Variants in DNAH5 observed in about 807,000 individuals in gnomAD.
DNAH5 encodes axonemal beta dynein heavy chain 5.
Under a neutral mutation model 518.2 loss-of-function variants are expected in DNAH5, and 372 were observed. The observed-to-expected ratio is 0.72, with a 90% confidence interval of 0.66 to 0.78. The LOEUF (loss-of-function observed/expected upper bound fraction) is 0.78. DNAH5 is among the 30% of genes least tolerant of loss of function. DNAH5 has a pLI of 0.00. For missense variants in DNAH5, 5,523 were observed against 5,687.0 expected (o/e 0.97, Z 0.93); for synonymous variants, 2,039 against 2,025.9 (o/e 1.01, Z -0.17).
chr5:13,799,215 C>CG (rs397996834), intron 47 of DNAH5, among the ~76,000 whole-genome samples: 6 of 148,532 alleles, frequency 4.0e-5, no homozygotes, highest in Non-Finnish European at 9.0e-5. Flanking sequence ...TACCCCCCCC[C>CG]ACAAAAATGC....
At chr5:13,900,549 C>G in intron 14 of DNAH5, 137 bp from the exon 15 acceptor site, 2 of 738,246 alleles carry the variant, frequency 2.7e-6, no homozygotes, top group Non-Finnish European at 4.7e-6. Flanking sequence ...GCAATAAGAT[C>G]ACTCACTCTT....
chr5:13,740,384 A>G (rs1214340758), intron 65 of DNAH5, among the ~76,000 whole-genome samples: 2 of 152,138 alleles, frequency 1.3e-5, no homozygotes, highest in Non-Finnish European at 2.9e-5. Flanking sequence ...TTCCACTCAG[A>G]GTGAAAGGTA....
chr5:13,837,525 G>A (rs1163440567), intron 35 of DNAH5, among the ~76,000 whole-genome samples: 2 of 151,300 alleles, frequency 1.3e-5, no homozygotes, highest in African/African-American at 4.9e-5. Context: ...CCAGGTTAAC[G>A]CACATGGTGG....
In DNAH5 at chr5:13,839,371, G is replaced by T; in HGVS notation, c.5867C>A (p.Thr1956Asn). ...GTTCCATCACCTGTCTGTAAGTGGA[G>T]TTATTACAAGCCTGTCAGTGCAGCC... is the stretch of plus-strand genomic sequence containing the variant. ...FLGCTDRLVI[T>N]PLTDRCYITL... Residue 1956 changes from threonine (T) to asparagine (N), a missense_variant, in exon 35 of 79, where the codon ACT (threonine) becomes AAT (asparagine). By Grantham distance (65) the Thr-to-Asn change is moderately conservative (BLOSUM62 0). This residue lies in a region of DNAH5 where 5,121 missense variants were observed against 5,223.3 expected (regional missense o/e 0.98). Transcript: ENST00000265104. 1.2e-6 allele frequency: 2 copies of T among 1,614,064 alleles called. No individual in the cohort carries two copies. Among genetic ancestry groups the T allele is most frequent in the Non-Finnish European group, 1.7e-6 (2 of 1,179,924 alleles).
At position 13,830,634 on chromosome 5, in the gene DNAH5, G is replaced by C; in HGVS notation, c.6024C>G (p.Asp2008Glu). ...GTCCAAGTCCTCGGAAATCCATCTG[G>C]TCTGAACAATTGAAAACCACGACGT... is the stretch of plus-strand genomic sequence containing the variant. ...GKYVVVFNCS[D>E]QMDFRGLGRI... The change falls in exon 36 of 79, where the codon GAC (aspartate) becomes GAG (glutamate). Residue 2008 changes from aspartate to glutamate, a missense_variant. Coordinates refer to ENST00000265104, the MANE Select transcript of DNAH5 (RefSeq NM_001369.3). 1 of 1,614,126 alleles carries C rather than the reference G, an allele frequency of 6.2e-7. No individual in the cohort carries two copies. The highest frequency in any genetic ancestry group is 8.5e-7 in the Non-Finnish European group (1 of 1,180,038).
chr5:13,851,793 G>A (rs966731735), intron 30 of DNAH5, among the ~76,000 whole-genome samples: 5 of 151,972 alleles, frequency 3.3e-5, no homozygotes, highest in East Asian at 3.9e-4. Context: ...CAAGATGGCC[G>A]AATAGGAATA....
Position 13,919,369 on chromosome 5 carries a change from A to G in DNAH5, c.799-17T>C, listed in dbSNP as rs777538180. On this transcript the variant is annotated splice_polypyrimidine_tract_variant and intron_variant, in intron 6 of 78. Coordinates refer to ENST00000265104, the MANE Select transcript of DNAH5 (RefSeq NM_001369.3). ...AGCAAGAACCTGCAAATGCGCGGGG[A>G]AAAACACGAGCCATTGCACGGGGCT... The G allele has an allele frequency of 2.5e-6, 4 of 1,612,590 alleles. No individual in the cohort carries two copies. The highest frequency in any genetic ancestry group is 2.7e-5 in the African/African-American group (2 of 74,926).
At position 13,841,913 on chromosome 5, in the gene DNAH5, G is replaced by GA. The variant is rs1765225726; in HGVS notation, c.5272-10dup. ...AGAATTCGATCATAGATCTATGTTA[G>GA]AAACCAAAAAAAAAAAAAAAAAAAG... On this transcript the variant is annotated splice_polypyrimidine_tract_variant and intron_variant, in intron 32 of 78. Coordinates refer to ENST00000265104, the MANE Select transcript of DNAH5 (RefSeq NM_001369.3). 10 of 484,854 alleles carry GA rather than the reference G, an allele frequency of 2.1e-5. No individual in the cohort carries two copies. The highest frequency in any genetic ancestry group is 1.2e-4 in the South Asian group (3 of 24,154). 30.0% of individuals were successfully genotyped at this position (484,854 alleles called of 1,614,324 possible).
chr5:14,006,803 A>G (rs892577807), intron 1 of DNAH5, among the ~76,000 whole-genome samples: 1 of 152,144 alleles, frequency 6.6e-6, no homozygotes, highest in Non-Finnish European at 1.5e-5. Context: ...GGGCTGACTG[A>G]CAGGAGGGCT....
intron 15 of DNAH5, chr5:13,899,057 A>C (rs1246138311): frequency 6.5e-6 from 1 of 153,756 alleles, no homozygotes; most frequent in African/African-American, 2.4e-5. Context: ...CGGCCTCCCA[A>C]GTAGCTGAGA....
intron 58 of DNAH5, among the ~76,000 whole-genome samples, chr5:13,767,685 T>A (rs927656583): frequency 6.6e-6 from 1 of 152,218 alleles, no homozygotes; most frequent in African/African-American, 2.4e-5. Flanking sequence ...TCAGCTGTGT[T>A]AGATGCCCAG....
At chr5:13,973,735 A>C (rs945598078) in intron 1 of DNAH5, among the ~76,000 whole-genome samples, 64 of 142,554 alleles carry the variant, frequency 4.5e-4, no homozygotes, top group Non-Finnish European at 7.2e-4. Context: ...AAAAAAAAAA[A>C]AACAAAAAAC....
intron 47 of DNAH5, among the ~76,000 whole-genome samples, chr5:13,794,514 G>A (rs932050238): frequency 4.6e-5 from 7 of 152,176 alleles, no homozygotes; most frequent in Non-Finnish European, 7.3e-5. Flanking sequence ...GCTGTCACCT[G>A]GCACAGCTCA....
At chr5:13,870,727 G>T in intron 24 of DNAH5, 40 bp downstream of exon 24, 2 of 1,547,788 alleles carry the variant, frequency 1.3e-6, no homozygotes. Context: ...CATCCAACAT[G>T]TAGAAATATT....
At chr5:13,886,812 C>T (rs919869922) in intron 17 of DNAH5, among the ~76,000 whole-genome samples, 12 of 152,134 alleles carry the variant, frequency 7.9e-5, no homozygotes, top group African/African-American at 2.9e-4. Flanking sequence ...CTGCATGATC[C>T]TGAAAATTCT....
rs369714206 is a variant in DNAH5 at position 13,708,287 on chromosome 5, A to G, written c.13174T>C (p.Phe4392Leu). 73 of 1,614,148 alleles carry G rather than the reference A, an allele frequency of 4.5e-5. No individual in the cohort carries two copies. The African/African-American group carries it at 6.9e-4, about 15-fold the overall frequency. The change falls in exon 76 of 79, where the codon TTC (phenylalanine) becomes CTC (leucine). Residue 4392 changes from phenylalanine to leucine, a missense_variant. Physicochemically the swap from Phe to Leu is conservative, Grantham distance 22 (BLOSUM62 0). This residue lies in a region of DNAH5 where 387 missense variants were observed against 430.0 expected (regional missense o/e 0.90). Transcript: ENST00000265104. ...ATTCTGTCTATTTCCTGCCTGAGGA[A>G]AATGTTCATAGGCTGGAATGGCCCC... ...KMGPFQPMNI[F>L]LRQEIDRMQR... is the part of the protein sequence containing the mutation.
intron 57 of DNAH5, 81 bp from the exon 58 acceptor site, chr5:13,769,217 G>A (rs1192913157): frequency 6.5e-5 from 85 of 1,315,916 alleles, no homozygotes; most frequent in Non-Finnish European, 8.9e-5. Context: ...GCCTTGATTT[G>A]TTGATTTTGT....
chr5:13,787,203 CAAA>C (rs202066683), intron 51 of DNAH5, among the ~76,000 whole-genome samples: 4 of 107,554 alleles, frequency 3.7e-5, no homozygotes, highest in Non-Finnish European at 3.9e-5. Flanking sequence ...GACTCTGTTT[CAAA>C]AAAAAAAAAA....
At chr5:13,713,414 C>CATATAT (rs370220746) in intron 75 of DNAH5, among the ~76,000 whole-genome samples, 3 of 96,922 alleles carry the variant, frequency 3.1e-5, no homozygotes, top group African/African-American at 1.2e-4. Flanking sequence ...TATACACCGA[C>CATATAT]ATATATATAT....
Sources: gnomAD v4.1 joint callset for allele counts (sites outside exome capture counted in the v4.1 genomes callset) on GRCh38, gnomAD v4.1.1 for gene constraint, gnomAD v4.1.1 regional missense constraint, MANE v1.5 for transcripts, NCBI Gene and HGNC (gene_info 2026-07-23, HGNC 2026-07-21) for gene names.